SH3BP4: variants seen among roughly 807,000 people sequenced by gnomAD.
SH3BP4 encodes the protein SH3 domain-binding protein 4.
SH3BP4 carries 33 observed loss-of-function variants against 65.5 expected under a neutral mutation model. The ratio of observed to expected loss-of-function variants is 0.50; its 90% CI spans 0.38 to 0.67. SH3BP4 has a LOEUF of 0.67. Among genes scored for constraint, SH3BP4 ranks in the 30% least tolerant of loss-of-function variants. SH3BP4 has a pLI of 0.00. For synonymous variants in SH3BP4, 552 were observed against 545.5 expected, an observed-to-expected ratio of 1.01 and a Z score of -0.17; for missense variants, 1,134 against 1,261.4, an observed-to-expected ratio of 0.90 and a Z score of 1.53.
intron 1 of SH3BP4, among the ~76,000 whole-genome samples, chr2:234,953,729 C>A (rs1284317093): frequency 6.6e-6 from 1 of 152,122 alleles, no homozygotes; most frequent in East Asian, 1.9e-4. Flanking sequence ...AGTGGTCATG[C>A]AGTGTAATAG....
Position 235,042,478 on chromosome 2 carries a change from G to C in SH3BP4, c.1709G>C (p.Ser570Thr), listed in dbSNP as rs747800804. The C allele has an allele frequency of 3.7e-6, 6 of 1,614,198 alleles. No homozygotes were observed. In the Admixed American group the frequency reaches 1.0e-4, roughly 27 times the overall value. ...RGFQLKLGKV[S>T]RLIFPITSQN... is the part of the protein sequence containing the mutation. ...TTCCAGCTGAAGCTGGGCAAGGTGA[G>C]CCGCCTGATCTTCCCCATCACCTCC... The change falls in exon 4 of 6, where the codon AGC becomes ACC. Residue 570 changes from serine (S) to threonine (T), a missense_variant. By Grantham distance (58) the Ser-to-Thr change is moderately conservative. Coordinates refer to ENST00000392011, the MANE Select transcript of SH3BP4 (RefSeq NM_014521.3). This position sits in a 1 kb window ranked among gnomAD's most constrained non-coding sequence, Gnocchi z 7.3.
Position 235,054,656 on chromosome 2 carries a change from C to T in SH3BP4, c.*840C>T, listed in dbSNP as rs1346852012. Reference sequence around the variant, plus strand: ...CAATGCCATTTGAGAGTGAGGTGGTCCCTGCTGCTACGAGGCCATTGTACT... The same window carrying T: ...CAATGCCATTTGAGAGTGAGGTGGTTCCTGCTGCTACGAGGCCATTGTACT... On this transcript the variant is annotated 3_prime_UTR_variant, in exon 6 of 6. Coordinates refer to ENST00000392011, the MANE Select transcript of SH3BP4 (RefSeq NM_014521.3). The T allele has an allele frequency of 6.6e-6, 1 of 152,192 alleles. No individual in the cohort carries two copies. The allele number at this position is 152,192 out of a possible 1,614,324, so 9.4% of individuals were successfully genotyped here.
At chr2:234,999,044 A>G (rs1694017082) in intron 2 of SH3BP4, among the ~76,000 whole-genome samples, 1 of 152,214 alleles carries the variant, frequency 6.6e-6, no homozygotes, top group South Asian at 2.1e-4. Flanking sequence ...TCTGCATTCC[A>G]GTGACAACGT....
rs35313033 is a variant in SH3BP4 at position 235,035,641 on chromosome 2, C to CT, written c.118+530dup. Among the ~76,000 whole-genome samples, 8 of 151,560 alleles carry CT rather than the reference C, an allele frequency of 5.3e-5. No homozygotes were observed. The highest frequency in any genetic ancestry group is 8.8e-5 in the Non-Finnish European group (6 of 67,842). On this transcript the variant is annotated intron_variant, in intron 3 of 5. Transcript: ENST00000392011. The surrounding 1 kb of genome is among the most constrained non-coding windows in gnomAD (Gnocchi z 5.0). ...AGCCAGAGTCGTGTTTCCAAGACAA[C>CT]TTTTTTTTTGCAGACAGCCCCATTT...
chr2:235,052,536 C>T lies in SH3BP4; in HGVS notation c.2479-26C>T. ...GCCTGCCCCACTCCCTACACTGTCTCACGCTGTGTGCCTCTTCCTCTGCAG... is the reference window on the plus strand; with the variant it reads ...GCCTGCCCCACTCCCTACACTGTCTTACGCTGTGTGCCTCTTCCTCTGCAG... On this transcript the variant is annotated intron_variant, in intron 4 of 5. Coordinates refer to ENST00000392011, the MANE Select transcript of SH3BP4 (RefSeq NM_014521.3). The surrounding 1 kb of genome is among the most constrained non-coding windows in gnomAD (Gnocchi z 5.0). 2 of 1,528,506 alleles carry T rather than the reference C, an allele frequency of 1.3e-6. No homozygotes were observed. The highest frequency in any genetic ancestry group is 1.8e-6 in the Non-Finnish European group (2 of 1,133,916). 94.7% of individuals were successfully genotyped at this position (1,528,506 alleles called of 1,614,324 possible). A position where few individuals can be genotyped will look rare whatever the true frequency, so the allele number is the denominator to read the frequency against.
chr2:235,044,178 T>A (rs1303792791), intron 4 of SH3BP4, among the ~76,000 whole-genome samples: 1 of 152,246 alleles, frequency 6.6e-6, no homozygotes, highest in African/African-American at 2.4e-5. Context: ...TTGTTTCCAC[T>A]TCCCCCTCTG....
At chr2:235,017,187 C>T (rs1280733562) in intron 2 of SH3BP4, among the ~76,000 whole-genome samples, 1 of 150,790 alleles carries the variant, frequency 6.6e-6, no homozygotes, top group Non-Finnish European at 1.5e-5. Flanking sequence ...CCTCTCCTGG[C>T]TGGGTGAGAT....
intron 1 of SH3BP4, among the ~76,000 whole-genome samples, chr2:234,971,962 G>A (rs540036569): frequency 8.0e-5 from 12 of 150,302 alleles, no homozygotes; most frequent in Non-Finnish European, 1.6e-4. Flanking sequence ...GACTACAGGC[G>A]TGTGCCACCA....
At chr2:234,968,548 C>G (rs1692898306) in intron 1 of SH3BP4, among the ~76,000 whole-genome samples, 1 of 152,094 alleles carries the variant, frequency 6.6e-6, no homozygotes, top group African/African-American at 2.4e-5. Flanking sequence ...TGGATACTTG[C>G]AAATCGATTG....
intron 2 of SH3BP4, among the ~76,000 whole-genome samples, chr2:235,024,977 T>C (rs915219883): frequency 6.6e-6 from 1 of 152,006 alleles, no homozygotes; most frequent in African/African-American, 2.4e-5. Flanking sequence ...TTAAAACGTC[T>C]TCAGAGATAG....
intron 1 of SH3BP4, among the ~76,000 whole-genome samples, chr2:234,963,103 A>G (rs1455144636): frequency 1.3e-5 from 2 of 152,204 alleles, no homozygotes; most frequent in Non-Finnish European, 2.9e-5. Context: ...ATATTTTCAG[A>G]TCAATAAATA....
At chr2:234,971,691 G>A (rs1693006933) in intron 1 of SH3BP4, among the ~76,000 whole-genome samples, 1 of 152,206 alleles carries the variant, frequency 6.6e-6, no homozygotes, top group South Asian at 2.1e-4. Context: ...GTCTCAGCAG[G>A]TGTGTGGTGG....
At position 235,045,290 on chromosome 2, in the gene SH3BP4, G is replaced by C. The variant is rs913465825; in HGVS notation, c.2478+2043G>C. On this transcript the variant is annotated intron_variant, in intron 4 of 5. Transcript: ENST00000392011. This position sits in a 1 kb window ranked among gnomAD's most constrained non-coding sequence, Gnocchi z 4.3. ...TCACCTCGACGTTGCACCAGAGGTG[G>C]AAAAATGACACAACCAGGAGTACCA... 3.3e-5 allele frequency among the ~76,000 whole-genome samples: 5 copies of C among 152,204 alleles called. No homozygotes were observed. The highest frequency in any genetic ancestry group is 1.2e-4 in the African/African-American group (5 of 41,450).
At chr2:234,971,336 G>C (rs142263022) in intron 1 of SH3BP4, among the ~76,000 whole-genome samples, 43 of 152,256 alleles carry the variant, frequency 2.8e-4, no homozygotes, top group African/African-American at 1.0e-3. Flanking sequence ...TGTTACAGTT[G>C]AAGGCTGCAT....
At position 234,952,983 on chromosome 2, in the gene SH3BP4, G is replaced by T. The variant is rs998148892; in HGVS notation, c.-207+813G>T. The T allele has an allele frequency of 2.6e-5, 4 of 152,254 alleles. No individual in the cohort carries two copies. Among genetic ancestry groups the T allele is most frequent in the African/African-American group, 9.6e-5 (4 of 41,468 alleles). 9.4% of individuals were successfully genotyped at this position (152,254 alleles called of 1,614,324 possible). ...GGACAGGCCCAGCTGGCCCTGACCGGGTGTCGGGCGCCCAGAGATGCCGCG... is the reference window on the plus strand; with the variant it reads ...GGACAGGCCCAGCTGGCCCTGACCGTGTGTCGGGCGCCCAGAGATGCCGCG... On this transcript the variant is annotated intron_variant, in intron 1 of 5. Coordinates refer to ENST00000392011, the MANE Select transcript of SH3BP4 (RefSeq NM_014521.3). The surrounding 1 kb of genome is among the most constrained non-coding windows in gnomAD (Gnocchi z 6.5).
rs748606117 is a variant in SH3BP4, at chr2:235,042,657, G to A, written c.1888G>A (p.Glu630Lys). ...SGQRRFLKKN[E>K]VGKIILSPFA... ...GCAAAGGAGGTTTCTCAAGAAGAACGAAGTCGGGAAAATCATCCTGTCCCC... is the reference window on the plus strand; with the variant it reads ...GCAAAGGAGGTTTCTCAAGAAGAACAAAGTCGGGAAAATCATCCTGTCCCC... Residue 630 changes from glutamate to lysine, a missense_variant, in exon 4 of 6, where the codon GAA becomes AAA. Physicochemically the swap from Glu to Lys is moderately conservative, Grantham distance 56 (BLOSUM62 1). Coordinates refer to ENST00000392011, the MANE Select transcript of SH3BP4 (RefSeq NM_014521.3). The surrounding 1 kb of genome is among the most constrained non-coding windows in gnomAD (Gnocchi z 7.3). The A allele has an allele frequency of 1.9e-5, 30 of 1,614,056 alleles. No homozygotes were observed. The highest frequency in any genetic ancestry group is 1.3e-5 in the African/African-American group (1 of 74,934).
At chr2:235,017,045 CTTTTTTTTTTTT>C (rs995197698) in intron 2 of SH3BP4, among the ~76,000 whole-genome samples, 3 of 88,440 alleles carry the variant, frequency 3.4e-5, no homozygotes, top group South Asian at 8.0e-4. Flanking sequence ...GTTTGCCTTT[CTTTTTTTTTTTT>C]TTTTTTTTTT....
chr2:235,042,216 C>T lies in SH3BP4; in HGVS notation c.1447C>T (p.His483Tyr), dbSNP rs1309004082. ...KVTVGLYGPK[H>Y]IHPSFKTVVT... ...CACAGTGGGTCTCTACGGCCCTAAA[C>T]ACATCCACCCATCCTTCAAGACGGT... The change falls in exon 4 of 6, where the codon CAC (histidine) becomes TAC (tyrosine). Residue 483 changes from histidine (H) to tyrosine (Y), a missense_variant. By Grantham distance (83) the His-to-Tyr change is moderately conservative (BLOSUM62 2). Transcript: ENST00000392011. This position sits in a 1 kb window ranked among gnomAD's most constrained non-coding sequence, Gnocchi z 7.3. The T allele has an allele frequency of 2.5e-6, 4 of 1,613,972 alleles. No individual in the cohort carries two copies. The African/African-American group carries it at 4.0e-5, about 16-fold the overall frequency.
chr2:235,033,407 C>T lies in SH3BP4; in HGVS notation c.-132-1464C>T, dbSNP rs745644232. Among the ~76,000 whole-genome samples the T allele has an allele frequency of 6.6e-6, 1 of 152,230 alleles. No homozygotes were observed. The highest frequency in any genetic ancestry group is 1.5e-5 in the Non-Finnish European group (1 of 68,048). On this transcript the variant is annotated intron_variant, in intron 2 of 5. Transcript: ENST00000392011. This position sits in a 1 kb window ranked among gnomAD's most constrained non-coding sequence, Gnocchi z 5.7. The stretch of plus-strand genomic sequence containing the variant: ...TTCTAACTCTAACTACTCCCCACTG[C>T]CCCACCTGCCAGTGCCATCACATTA...
Sources: allele counts gnomAD v4.1 joint callset (sites outside exome capture counted in the v4.1 genomes callset), GRCh38; gene constraint gnomAD v4.1.1; non-coding constraint Gnocchi (gnomAD v3.1); transcripts MANE v1.5; gene names NCBI Gene and HGNC (gene_info 2026-07-23, HGNC 2026-07-21).